Variants in LPIN1 observed in about 807,000 individuals in gnomAD.
The protein encoded by LPIN1 is lipin 1.
Under a neutral mutation model 107.5 loss-of-function variants are expected in LPIN1, and 71 were observed. The observed-to-expected ratio is 0.66, with a 90% CI of 0.55 to 0.80. The LOEUF (loss-of-function observed/expected upper bound fraction) is 0.80, where lower values mean the gene tolerates loss of function less well. Ranked by LOEUF, LPIN1 falls within the 30% of genes least tolerant of loss-of-function variation. The pLI, the probability that LPIN1 is intolerant of heterozygous loss-of-function variation, is 0.00. For synonymous variants in LPIN1, 445 were observed against 452.6 expected (o/e 0.98, Z 0.21); for missense variants, 1,043 against 1,160.6 (o/e 0.90, Z 1.47).
chr2:11,752,432 C>CTTTTTTTTTTTTTTTTTTTTTTTTT (rs1354955148), intron 1 of LPIN1, among the ~76,000 whole-genome samples: 1 of 82,658 alleles, frequency 1.2e-5, no homozygotes, highest in African/African-American at 7.9e-5. Flanking sequence ...GTTCCAAGGC[C>CTTTTTTTTTTTTTTTTTTTTTTTTT]ATTTTTTTTT....
chr2:11,806,612 A>G (rs1331426450), intron 17 of LPIN1, among the ~76,000 whole-genome samples: 1 of 152,054 alleles, frequency 6.6e-6, no homozygotes, highest in Non-Finnish European at 1.5e-5. Context: ...TTCAGATGTC[A>G]TCTTAGATGC....
intron 2 of LPIN1, chr2:11,741,491 A>T: frequency 7.8e-7 from 1 of 1,287,410 alleles, no homozygotes. Flanking sequence ...GATAAATAAT[A>T]TTGTTTGGCA....
rs1678042620 is a variant in LPIN1 at position 11,803,001 on chromosome 2, A to G, written c.1981A>G (p.Lys661Glu). 6.2e-7 allele frequency: 1 copy of G among 1,612,896 alleles called. No homozygotes were observed. Among genetic ancestry groups the G allele is most frequent in the African/African-American group, 1.3e-5 (1 of 74,918 alleles). Residue 661 changes from lysine (K) to glutamate (E), a missense_variant, in exon 15 of 21, where the codon AAG (lysine) becomes GAG (glutamate). Physicochemically the swap from Lys to Glu is moderately conservative, Grantham distance 56. Transcript: ENST00000674199. This position sits in a 1 kb window ranked among gnomAD's most constrained non-coding sequence, Gnocchi z 4.2. ...HLPLLPNVSY[K>E]KTLRLTSEQL... ...CCCTCTTCTGCCTAATGTCAGCTAC[A>G]AGAAGACTCTCCGGCTGACTTCCGA...
chr2:11,826,900 T>G lies in LPIN1; in HGVS notation c.*2109T>G, dbSNP rs1682440464. 6.6e-6 allele frequency: 1 copy of G among 152,612 alleles called. No individual in the cohort carries two copies. The highest frequency in any genetic ancestry group is 2.4e-5 in the African/African-American group (1 of 41,464). The allele number at this position is 152,612 out of a possible 1,614,324, so 9.5% of individuals were successfully genotyped here. A position where few individuals can be genotyped will look rare whatever the true frequency, so the allele number is the denominator to read the frequency against. On this transcript the variant is annotated 3_prime_UTR_variant, in exon 21 of 21. Transcript: ENST00000674199. Reference sequence around the variant, plus strand: ...TTCCAGAAAGTCACACTCTCAGATCTGTGTCAAGTTCAATGTGAGCCCTGG... The same window carrying G: ...TTCCAGAAAGTCACACTCTCAGATCGGTGTCAAGTTCAATGTGAGCCCTGG...
chr2:11,701,398 T>C (rs967889402), intron 1 of LPIN1, among the ~76,000 whole-genome samples: 3 of 152,202 alleles, frequency 2.0e-5, no homozygotes, highest in Non-Finnish European at 4.4e-5. Context: ...AGATGCTCAA[T>C]GAATGTGTGA....
rs377537781 is a variant in LPIN1, at chr2:11,820,211, A to G, written c.2518-200A>G. Among the ~76,000 whole-genome samples, 7 of 152,214 alleles carry G rather than the reference A, an allele frequency of 4.6e-5. No homozygotes were observed. The South Asian group carries it at 1.2e-3, about 27-fold the overall frequency. On this transcript the variant is annotated intron_variant, in intron 19 of 20. Coordinates refer to ENST00000674199, the MANE Select transcript of LPIN1 (RefSeq NM_001349206.2). ...GTCTTTTCTTCAACTCAGTCCTTGA[A>G]CAGATGAGGGAATTGAGGCCCAGAG...
intron 1 of LPIN1, among the ~76,000 whole-genome samples, chr2:11,732,903 C>G (rs1004886090): frequency 1.4e-5 from 2 of 145,068 alleles, no homozygotes; most frequent in African/African-American, 5.7e-5. Context: ...TTCTCTCTCT[C>G]TCTCTCTCTG....
At chr2:11,800,053 C>T (rs1049236215) in intron 14 of LPIN1, among the ~76,000 whole-genome samples, 1 of 152,188 alleles carries the variant, frequency 6.6e-6, no homozygotes, top group African/African-American at 2.4e-5. Context: ...GCGTATTCCC[C>T]CAGGGCTCTG....
chr2:11,805,401 A>C (rs1038172921), intron 17 of LPIN1: 2 of 597,106 alleles, frequency 3.3e-6, no homozygotes, highest in Middle Eastern at 4.5e-4. Flanking sequence ...GATTACTAGG[A>C]GAACACAGAT....
upstream of LPIN1, chr2:11,724,037 T>C (rs1355518633): frequency 6.6e-6 from 1 of 152,214 alleles, no homozygotes; most frequent in Admixed American, 6.5e-5. Flanking sequence ...TGCAGCATTC[T>C]GAATTAAAAA....
intron 20 of LPIN1, 150 bp downstream of exon 20, chr2:11,820,664 A>AT: frequency 1.6e-6 from 1 of 637,750 alleles, no homozygotes; most frequent in South Asian, 1.9e-5. Flanking sequence ...AACTCCTTGT[A>AT]TTTTGTCCAA....
At chr2:11,752,432 C>CCTTTTTTTT (rs1354955148) in intron 1 of LPIN1, among the ~76,000 whole-genome samples, 1 of 82,662 alleles carries the variant, frequency 1.2e-5, no homozygotes, top group Non-Finnish European at 2.3e-5. Flanking sequence ...GTTCCAAGGC[C>CCTTTTTTTT]ATTTTTTTTT....
In LPIN1 at chr2:11,771,396, A is replaced by G. The variant is rs1326686059; in HGVS notation, c.313A>G (p.Thr105Ala). Residue 105 changes from threonine to alanine, a missense_variant, in exon 4 of 21, where the codon ACC becomes GCC. By Grantham distance (58) the Thr-to-Ala change is moderately conservative. Transcript: ENST00000674199. This position sits in a 1 kb window ranked among gnomAD's most constrained non-coding sequence, Gnocchi z 4.8. ...DQEVIPMHLA[T>A]SPILSEGASR... is the part of the protein sequence containing the mutation. ...GGAAGTTATCCCTATGCACCTGGCC[A>G]CCTCCCCCATCCTGTCAGAAGGAGC... 2 of 1,613,988 alleles carry G rather than the reference A, an allele frequency of 1.2e-6. No homozygotes were observed. Among genetic ancestry groups the G allele is most frequent in the African/African-American group, 1.3e-5 (1 of 74,974 alleles).
In LPIN1 at chr2:11,739,714, G is replaced by C. The variant is rs78558294; in HGVS notation, c.-71-1635G>C. On this transcript the variant is annotated intron_variant, in intron 1 of 21. Coordinates refer to the LPIN1 transcript ENST00000396097. ...CAGTACAAAACTGACAATGTCCCGT[G>C]TCCAAACAAAAATACTGGGCTTGCA... Among the ~76,000 whole-genome samples, 644 of 152,314 alleles carry C rather than the reference G, an allele frequency of 4.2e-3. 4 individuals are homozygous for C. Among genetic ancestry groups the C allele is most frequent in the African/African-American group, 0.014 (590 of 41,576 alleles).
At chr2:11,715,282 G>A (rs867768079) in intron 2 of LPIN1, among the ~76,000 whole-genome samples, 4 of 152,190 alleles carry the variant, frequency 2.6e-5, no homozygotes, top group African/African-American at 9.7e-5. Flanking sequence ...GGCCCCACGT[G>A]CAGGACACAC....
At chr2:11,780,107 C>T (rs1192782052) in intron 7 of LPIN1, among the ~76,000 whole-genome samples, 1 of 152,218 alleles carries the variant, frequency 6.6e-6, no homozygotes, top group Non-Finnish European at 1.5e-5. Flanking sequence ...TCTTGAACTG[C>T]TGACCTCAAG....
intron 18 of LPIN1, 101 bp from the exon 19 acceptor site, chr2:11,819,383 T>G (rs1681144755): frequency 2.5e-6 from 2 of 812,712 alleles, no homozygotes; most frequent in African/African-American, 1.7e-5. Flanking sequence ...TTTGAAGATT[T>G]GAGTTTTCTC....
chr2:11,808,024 C>T (rs763240426), intron 17 of LPIN1, among the ~76,000 whole-genome samples: 3 of 152,188 alleles, frequency 2.0e-5, no homozygotes, highest in South Asian at 2.1e-4. Flanking sequence ...GCTCATGTGG[C>T]GGCCTCAGCT....
rs191954165 is a variant in LPIN1, at chr2:11,687,082, C to A, written c.81+9354C>A. Reference sequence around the variant, plus strand: ...GCGTGATCACAGCTCACTGCAGCCTCGAATTCCTGGGCTCAAGTGGTCCTC... The same window carrying A: ...GCGTGATCACAGCTCACTGCAGCCTAGAATTCCTGGGCTCAAGTGGTCCTC... On this transcript the variant is annotated intron_variant, in intron 1 of 21. Transcript: ENST00000449576. 1.3e-4 allele frequency among the ~76,000 whole-genome samples: 19 copies of A among 143,492 alleles called. No individual in the cohort carries two copies. The East Asian group carries it at 3.8e-3, about 28-fold the overall frequency. The allele number at this position is 143,492 out of a possible 152,430, so 94.1% of individuals were successfully genotyped here.
Sources: gnomAD v4.1 joint callset for allele counts (sites outside exome capture counted in the v4.1 genomes callset) on GRCh38, gnomAD v4.1.1 for gene constraint, Gnocchi (gnomAD v3.1) non-coding constraint, MANE v1.5 for transcripts, NCBI Gene and HGNC (gene_info 2026-07-23, HGNC 2026-07-21) for gene names.